The following LRRTM3 variants were observed in gnomAD, a reference collection of about 807,000 sequenced individuals.
LRRTM3 encodes the protein leucine rich repeat transmembrane neuronal 3.
In LRRTM3, 24 loss-of-function variants were observed where a neutral mutation model predicts 44.7. The ratio of observed to expected loss-of-function variants is 0.54; its 90% CI spans 0.39 to 0.76. The LOEUF is 0.76. LRRTM3 is among the 30% of genes least tolerant of loss of function. LRRTM3 has a pLI of 0.00. For missense variants in LRRTM3, 587 were observed against 702.2 expected (o/e 0.84, Z 1.85); for synonymous variants, 277 against 278.7 (o/e 0.99, Z 0.06).
intron 2 of LRRTM3, among the ~76,000 whole-genome samples, chr10:67,000,208 C>T (rs1381139753): frequency 6.6e-6 from 1 of 152,072 alleles, no homozygotes; most frequent in African/African-American, 2.4e-5. Flanking sequence ...GAAACATTTA[C>T]AAGAATCTTT....
intron 2 of LRRTM3, among the ~76,000 whole-genome samples, chr10:66,949,518 A>C (rs2132714363): frequency 6.6e-6 from 1 of 152,088 alleles, no homozygotes; most frequent in East Asian, 1.9e-4. Flanking sequence ...AGATCGCGCC[A>C]TTGGACTCCA....
At chr10:66,950,438 T>G (rs76205148) in intron 2 of LRRTM3, among the ~76,000 whole-genome samples, 1 of 152,108 alleles carries the variant, frequency 6.6e-6, no homozygotes, top group Non-Finnish European at 1.5e-5. Context: ...GTTTAAAGAA[T>G]CATATGTGAA....
At chr10:67,061,653 A>T (rs1013994350) in intron 2 of LRRTM3, among the ~76,000 whole-genome samples, 8 of 152,232 alleles carry the variant, frequency 5.3e-5, no homozygotes, top group African/African-American at 1.9e-4. Context: ...GATTCCTTTT[A>T]CCTGTCCTCA....
intron 2 of LRRTM3, among the ~76,000 whole-genome samples, chr10:66,943,282 G>A (rs1848109924): frequency 6.6e-6 from 1 of 151,976 alleles, no homozygotes; most frequent in African/African-American, 2.4e-5. Context: ...CTGTTGTGTG[G>A]ATTCATTAGT....
chr10:67,027,571 A>G (rs1196239521), intron 2 of LRRTM3, among the ~76,000 whole-genome samples: 1 of 151,700 alleles, frequency 6.6e-6, no homozygotes, highest in Non-Finnish European at 1.5e-5. Flanking sequence ...AGTAGCTGAG[A>G]CTAAACATGT....
intron 2 of LRRTM3, among the ~76,000 whole-genome samples, chr10:67,097,011 G>C (rs1237698847): frequency 6.6e-6 from 1 of 151,902 alleles, no homozygotes; most frequent in African/African-American, 2.4e-5. Flanking sequence ...TTCTGCAATG[G>C]TTATCGAAGT....
At chr10:66,948,692 T>G (rs1352512153) in intron 2 of LRRTM3, among the ~76,000 whole-genome samples, 1 of 152,142 alleles carries the variant, frequency 6.6e-6, no homozygotes, top group African/African-American at 2.4e-5. Context: ...AAACCACATA[T>G]GCAATCACAC....
intron 2 of LRRTM3, among the ~76,000 whole-genome samples, chr10:67,062,707 C>A (rs372504326): frequency 2.0e-5 from 3 of 152,294 alleles, no homozygotes; most frequent in South Asian, 4.1e-4. Flanking sequence ...CTTTTCCCTG[C>A]ATTGCCTGGA....
chr10:67,092,244 A>G (rs955618216), intron 2 of LRRTM3, among the ~76,000 whole-genome samples: 1 of 151,958 alleles, frequency 6.6e-6, no homozygotes, highest in Admixed American at 6.6e-5. Context: ...TCAGCCTTAC[A>G]AAAATGGGAA....
At chr10:67,084,549 G>A (rs1185880909) in intron 2 of LRRTM3, among the ~76,000 whole-genome samples, 1 of 151,776 alleles carries the variant, frequency 6.6e-6, no homozygotes, top group Non-Finnish European at 1.5e-5. Context: ...TCACCCTTTA[G>A]ATTAGAAAAT....
At chr10:67,082,555 C>CAAATTCTCA (rs1470443002) in intron 2 of LRRTM3, among the ~76,000 whole-genome samples, 1 of 152,066 alleles carries the variant, frequency 6.6e-6, no homozygotes, top group Non-Finnish European at 1.5e-5. Flanking sequence ...TCTTTCCTAC[C>CAAATTCTCA]AAATTCTCAA....
At chr10:66,998,581 C>A (rs1377371382) in intron 2 of LRRTM3, among the ~76,000 whole-genome samples, 1 of 151,998 alleles carries the variant, frequency 6.6e-6, no homozygotes, top group Non-Finnish European at 1.5e-5. Context: ...GAAAGTGAGA[C>A]ACTTGTAGAG....
chr10:67,063,311 T>TG (rs1275096477), intron 2 of LRRTM3, among the ~76,000 whole-genome samples: 10 of 152,188 alleles, frequency 6.6e-5, no homozygotes, highest in Admixed American at 3.3e-4. Context: ...TAAATGATTT[T>TG]GGGGAACAAC....
chr10:66,996,417 G>A (rs1400542191), intron 2 of LRRTM3, among the ~76,000 whole-genome samples: 3 of 151,990 alleles, frequency 2.0e-5, no homozygotes, highest in Non-Finnish European at 1.5e-5. Flanking sequence ...AGGCCGAGAC[G>A]GGCAGATTGC....
intron 2 of LRRTM3, among the ~76,000 whole-genome samples, chr10:67,096,867 T>G (rs10740269): frequency 0.56 from 84,211 of 151,670 alleles, 24,740 homozygotes; most frequent in African/African-American, 0.76. Context: ...TCCTGGGAAT[T>G]CTCTATGCTC....
At chr10:66,958,713 A>C (rs1021417469) in intron 2 of LRRTM3, among the ~76,000 whole-genome samples, 1 of 152,144 alleles carries the variant, frequency 6.6e-6, no homozygotes, top group Non-Finnish European at 1.5e-5. Flanking sequence ...AAATTTGACA[A>C]AGGAACACTC....
chr10:66,986,660 T>C (rs1410033804), intron 2 of LRRTM3, among the ~76,000 whole-genome samples: 3 of 152,158 alleles, frequency 2.0e-5, no homozygotes, highest in African/African-American at 4.8e-5. Context: ...GAATCAACTA[T>C]AGTCAACTAT....
intron 2 of LRRTM3, among the ~76,000 whole-genome samples, chr10:66,968,193 C>G (rs1053560543): frequency 6.6e-6 from 1 of 151,936 alleles, no homozygotes; most frequent in Non-Finnish European, 1.5e-5. Flanking sequence ...TCTCTACCAT[C>G]ATCAAATAAG....
intron 2 of LRRTM3, among the ~76,000 whole-genome samples, chr10:66,973,463 A>C (rs1849839147): frequency 6.6e-6 from 1 of 152,236 alleles, no homozygotes; most frequent in African/African-American, 2.4e-5. Context: ...TTAATTTCAT[A>C]GTAACTAAAC....
Sources: gnomAD v4.1 joint callset for allele counts (sites outside exome capture counted in the v4.1 genomes callset) on GRCh38, gnomAD v4.1.1 for gene constraint, MANE v1.5 for transcripts, NCBI Gene and HGNC (gene_info 2026-07-23, HGNC 2026-07-21) for gene names.